The following CDK14 variants were observed in gnomAD, a reference collection of about 807,000 sequenced individuals.
CDK14 encodes cyclin dependent kinase 14.
In CDK14, 34 loss-of-function variants were observed where a neutral mutation model predicts 60.7. The ratio of observed to expected loss-of-function variants is 0.56; its 90% CI spans 0.43 to 0.75. The LOEUF is 0.75. CDK14 is among the 30% of genes least tolerant of loss of function. The pLI, the probability that CDK14 is intolerant of heterozygous loss-of-function variation, is 0.00. For synonymous variants in CDK14, 197 were observed against 203.7 expected (o/e 0.97, Z 0.28); for missense variants, 482 against 564.1 (o/e 0.85, Z 1.47).
In CDK14 at chr7:90,975,906, C is replaced by T. The variant is rs530443904; in HGVS notation, c.948-8242C>T. On this transcript the variant is annotated intron_variant, in intron 9 of 14. Transcript: ENST00000380050. Reference sequence around the variant, plus strand: ...TTATGGCTGAATAGTATTCATTGTGCTTGTAGACCATATTTTCTTCATCCA... The same window carrying T: ...TTATGGCTGAATAGTATTCATTGTGTTTGTAGACCATATTTTCTTCATCCA... Among the ~76,000 whole-genome samples the T allele has an allele frequency of 1.2e-4, 19 of 152,174 alleles. No individual in the cohort carries two copies. In the South Asian group the frequency reaches 4.0e-3, roughly 32 times the overall value.
At chr7:91,019,143 A>G (rs921149306) in intron 10 of CDK14, among the ~76,000 whole-genome samples, 4 of 152,190 alleles carry the variant, frequency 2.6e-5, no homozygotes, top group African/African-American at 7.2e-5. Flanking sequence ...GGCATATAGT[A>G]AACTCCAATA....
chr7:90,609,845 C>T (rs981310704), intron 2 of CDK14, among the ~76,000 whole-genome samples: 2 of 152,194 alleles, frequency 1.3e-5, no homozygotes, highest in Admixed American at 1.3e-4. Flanking sequence ...AGTCTTTTCT[C>T]TACCCTGACT....
intron 2 of CDK14, among the ~76,000 whole-genome samples, chr7:90,615,709 T>C (rs954189692): frequency 1.3e-5 from 2 of 152,126 alleles, no homozygotes; most frequent in Non-Finnish European, 2.9e-5. Context: ...TTGGATAACT[T>C]AGTTGTCTTG....
chr7:90,907,450 A>C (rs1792746353), intron 7 of CDK14, among the ~76,000 whole-genome samples: 1 of 152,030 alleles, frequency 6.6e-6, no homozygotes, highest in South Asian at 2.1e-4. Flanking sequence ...AAGATTCATG[A>C]AAAAAAGATT....
At chr7:91,123,035 C>A (rs1395483400) in intron 14 of CDK14, among the ~76,000 whole-genome samples, 1 of 152,158 alleles carries the variant, frequency 6.6e-6, no homozygotes, top group Non-Finnish European at 1.5e-5. Context: ...CTGGAAAGTG[C>A]CTTGCCTGGC....
At chr7:90,621,297 G>A (rs1399965422) in intron 2 of CDK14, among the ~76,000 whole-genome samples, 1 of 152,172 alleles carries the variant, frequency 6.6e-6, no homozygotes, top group Non-Finnish European at 1.5e-5. Flanking sequence ...TCTGGCAGGG[G>A]AAGCCCCTTT....
chr7:91,112,419 A>G, intron 12 of CDK14, 123 bp from the exon 13 acceptor site: 2 of 1,025,544 alleles, frequency 2.0e-6, no homozygotes, highest in Non-Finnish European at 2.9e-6. Flanking sequence ...TGTTTATTTC[A>G]GCAGGTAATT....
intron 7 of CDK14, among the ~76,000 whole-genome samples, chr7:90,904,305 G>A (rs1182011137): frequency 6.6e-6 from 1 of 152,132 alleles, no homozygotes; most frequent in Non-Finnish European, 1.5e-5. Context: ...TAACAAATGA[G>A]TAACTTGGAG....
rs201387973 is a variant in CDK14 at position 91,058,745 on chromosome 7, G to T, written c.1105+12785G>T. 8.4e-4 allele frequency among the ~76,000 whole-genome samples: 128 copies of T among 152,328 alleles called. 1 individual carries two copies. Among genetic ancestry groups the T allele is most frequent in the African/African-American group, 2.9e-3 (120 of 41,564 alleles). ...ATGTTGAACCAGCCTTGCATCCCAG[G>T]GATGAAGCCCACTTGATCATGATGG... is the stretch of plus-strand genomic sequence containing the variant. On this transcript the variant is annotated intron_variant, in intron 11 of 14. Transcript: ENST00000380050.
At chr7:90,822,417 T>A (rs1451790102) in intron 5 of CDK14, among the ~76,000 whole-genome samples, 1 of 152,076 alleles carries the variant, frequency 6.6e-6, no homozygotes, top group African/African-American at 2.4e-5. Flanking sequence ...ACAGCTGCTG[T>A]TTCCCTCTCC....
chr7:90,682,037 T>A (rs1801328058), intron 2 of CDK14, among the ~76,000 whole-genome samples: 1 of 152,220 alleles, frequency 6.6e-6, no homozygotes, highest in Admixed American at 6.5e-5. Context: ...ACTGCATTAA[T>A]AATGGTGGAG....
At chr7:91,192,086 C>A (rs1041246043) in intron 14 of CDK14, among the ~76,000 whole-genome samples, 1 of 152,076 alleles carries the variant, frequency 6.6e-6, no homozygotes, top group Admixed American at 6.6e-5. Context: ...ACCACATAAC[C>A]AAAGATAGCT....
At chr7:91,202,997 A>T (rs1230266770) in intron 14 of CDK14, among the ~76,000 whole-genome samples, 1 of 152,244 alleles carries the variant, frequency 6.6e-6, no homozygotes, top group Non-Finnish European at 1.5e-5. Flanking sequence ...ATCGATGTCT[A>T]AAAAACATCT....
chr7:91,151,085 A>C (rs1465439551), intron 14 of CDK14, among the ~76,000 whole-genome samples: 1 of 152,210 alleles, frequency 6.6e-6, no homozygotes, highest in East Asian at 1.9e-4. Context: ...CCCATGAAGC[A>C]GACATAATTT....
chr7:91,179,381 C>T (rs1801913984), intron 14 of CDK14, among the ~76,000 whole-genome samples: 1 of 149,870 alleles, frequency 6.7e-6, no homozygotes, highest in Admixed American at 6.6e-5. Context: ...GGAGGGATAG[C>T]ATCGGGAGAT....
At position 90,870,463 on chromosome 7, in the gene CDK14, C is replaced by T. The variant is rs937594634; in HGVS notation, c.639+7194C>T. 1.1e-4 allele frequency among the ~76,000 whole-genome samples: 17 copies of T among 152,144 alleles called. 1 individual carries two copies. The highest frequency in any genetic ancestry group is 4.1e-4 in the African/African-American group (17 of 41,434). On this transcript the variant is annotated intron_variant, in intron 6 of 14. Coordinates refer to ENST00000380050, the MANE Select transcript of CDK14 (RefSeq NM_001287135.2). ...CCATTACACAAGCTTACCTGTATAA[C>T]AAACTTGCACGTGTACCCCAAGCTT... is the stretch of plus-strand genomic sequence containing the variant.
At chr7:91,117,020 C>T (rs1799628584) in intron 13 of CDK14, among the ~76,000 whole-genome samples, 1 of 149,302 alleles carries the variant, frequency 6.7e-6, no homozygotes, top group Non-Finnish European at 1.5e-5. Flanking sequence ...TATCCATCTC[C>T]AGTCCTGTCT....
At chr7:90,618,540 T>A (rs1799699078) in intron 2 of CDK14, among the ~76,000 whole-genome samples, 1 of 152,192 alleles carries the variant, frequency 6.6e-6, no homozygotes, top group Non-Finnish European at 1.5e-5. Context: ...AATGAACTTT[T>A]GGTTGCTTTT....
At chr7:90,920,426 A>G (rs1029558900) in intron 8 of CDK14, among the ~76,000 whole-genome samples, 2 of 152,236 alleles carry the variant, frequency 1.3e-5, no homozygotes, top group African/African-American at 4.8e-5. Flanking sequence ...AGTTTATTCT[A>G]TATGCTACAC....
Sources: allele counts gnomAD v4.1 joint callset (sites outside exome capture counted in the v4.1 genomes callset), GRCh38; gene constraint gnomAD v4.1.1; transcripts MANE v1.5; gene names NCBI Gene and HGNC (gene_info 2026-07-23, HGNC 2026-07-21).